Variants in ACR observed in about 807,000 individuals in gnomAD.
ACR encodes acrosin, also known as acrosin light and heavy chain prepropeptide.
ACR carries 17 observed loss-of-function variants against 26.0 expected under a neutral mutation model. The observed-to-expected ratio is 0.65, with a 90% confidence interval of 0.45 to 0.98. ACR has a LOEUF of 0.98. Among genes scored for constraint, ACR ranks in the 50% least tolerant of loss-of-function variants. The pLI, the probability that ACR is intolerant of heterozygous loss-of-function variation, is 0.00. For synonymous variants in ACR, 199 were observed against 207.7 expected (o/e 0.96, Z 0.36); for missense variants, 435 against 519.3 (o/e 0.84, Z 1.58).
chr22:50,742,437 G>A (rs1396810090), intron 3 of ACR, among the ~76,000 whole-genome samples: 13 of 151,698 alleles, frequency 8.6e-5, no homozygotes, highest in African/African-American at 2.7e-4. Context: ...CCAGCTACTC[G>A]GGAGGCTGAG....
In ACR at chr22:50,739,169, C is replaced by A; in HGVS notation, c.78-102C>A. ...TTTCCCAGAACCCGGAAGCTCTTCC[C>A]CACTTTTCCCAACCCCATGTCCCTG... On this transcript the variant is annotated intron_variant, in intron 1 of 4. Coordinates refer to ENST00000216139, the MANE Select transcript of ACR (RefSeq NM_001097.3). The surrounding 1 kb of genome is among the most constrained non-coding windows in gnomAD (Gnocchi z 5.5). 9.1e-7 allele frequency: 1 copy of A among 1,099,164 alleles called. No homozygotes were observed. The allele number at this position is 1,099,164 out of a possible 1,614,324, so 68.1% of individuals were successfully genotyped here.
chr22:50,740,423 T>G lies in ACR; in HGVS notation c.565+446T>G, dbSNP rs2083420224. The G allele has an allele frequency of 5.0e-6, 3 of 604,886 alleles. No individual in the cohort carries two copies. In the Admixed American group the frequency reaches 8.4e-5, roughly 17 times the overall value. The allele number at this position is 604,886 out of a possible 1,614,324, so 37.5% of individuals were successfully genotyped here. Reference sequence around the variant, plus strand: ...TCAGATGGTCTCCAAGCTGACCATTTCCTAACACCTGTGATTCCAGGGCCC... The same window carrying G: ...TCAGATGGTCTCCAAGCTGACCATTGCCTAACACCTGTGATTCCAGGGCCC... On this transcript the variant is annotated intron_variant, in intron 3 of 4. Transcript: ENST00000216139.
intron 1 of ACR, 32 bp downstream of exon 1, chr22:50,738,344 A>ATCT (rs754950350): frequency 6.2e-7 from 1 of 1,607,668 alleles, no homozygotes; most frequent in South Asian, 1.1e-5. Context: ...TGGGGGAAGG[A>ATCT]TCTTCTGAGG....
In ACR at chr22:50,739,976, A is replaced by G. The variant is rs1267041895; in HGVS notation, c.564A>G (p.Lys188=). The change falls in exon 3 of 5, where the codon AAA becomes AAG. Residue 188 remains lysine (K), a splice_region_variant and synonymous_variant. Coordinates refer to ENST00000216139, the MANE Select transcript of ACR (RefSeq NM_001097.3). The surrounding 1 kb of genome is among the most constrained non-coding windows in gnomAD (Gnocchi z 5.5). ...CCGGCTGGGGATATATAGAAGAGAA[A>G]GGTGAGTATGGGAGCGCCTCCAAGG... ...WVAGWGYIEE[K]APRPSSILME... is the part of the protein sequence containing the mutation. 2 of 1,613,402 alleles carry G rather than the reference A, an allele frequency of 1.2e-6. No individual in the cohort carries two copies. The highest frequency in any genetic ancestry group is 1.7e-6 in the Non-Finnish European group (2 of 1,179,982).
chr22:50,741,296 T>C (rs2083423798), intron 3 of ACR, among the ~76,000 whole-genome samples: 1 of 152,188 alleles, frequency 6.6e-6, no homozygotes, highest in Non-Finnish European at 1.5e-5. Context: ...TTGTTCTCAC[T>C]GGCCTCACTT....
Position 50,739,288 on chromosome 22 carries a change from G to A in ACR, c.95G>A (p.Arg32Gln), listed in dbSNP as rs1334636659. The A allele has an allele frequency of 3.8e-6, 6 of 1,582,496 alleles. No individual in the cohort carries two copies. Among genetic ancestry groups the A allele is most frequent in the East Asian group, 2.3e-5 (1 of 43,266 alleles). The change falls in exon 2 of 5, where the codon CGG becomes CAG. Residue 32 changes from arginine (R) to glutamine (Q), a missense_variant. By Grantham distance (43) the Arg-to-Gln change is conservative. Around this residue, in one of 3 missense-constraint regions of ACR, gnomAD observed 314 missense variants for 372.0 expected, o/e 0.84. Coordinates refer to ENST00000216139, the MANE Select transcript of ACR (RefSeq NM_001097.3). This position sits in a 1 kb window ranked among gnomAD's most constrained non-coding sequence, Gnocchi z 5.5. ...CTCCCCAGTGGCCCCTGTGGGTTAC[G>A]GTTCAGGCAAAACCCACAGGGTGGT... ...NATCDGPCGL[R>Q]FRQNPQGGVR...
Position 50,739,762 on chromosome 22 carries a change from AGGCG to A in ACR, c.351_354del (p.Lys117AsnfsTer68). The A allele has an allele frequency of 6.3e-7, 1 of 1,581,554 alleles. No homozygotes were observed. The highest frequency in any genetic ancestry group is 8.6e-7 in the Non-Finnish European group (1 of 1,166,834). On this transcript the variant is annotated frameshift_variant, in exon 3 of 5. Transcript: ENST00000216139. LOFTEE classifies it high-confidence loss of function. This position sits in a 1 kb window ranked among gnomAD's most constrained non-coding sequence, Gnocchi z 5.5. ...ACATATGGGAACAATAAACCAGTAA[AGGCG>A]CCTCTGCAAGAGAGATATGTGGAGA... is the stretch of plus-strand genomic sequence containing the variant.
chr22:50,739,609 C>A lies in ACR; in HGVS notation c.282-85C>A. ...GCAAGACTCCGGGGGCTGGTCCAGA[C>A]CTTTGCTAGGGGAAGGCCCTGAGGG... On this transcript the variant is annotated intron_variant, in intron 2 of 4. Transcript: ENST00000216139. This position sits in a 1 kb window ranked among gnomAD's most constrained non-coding sequence, Gnocchi z 5.5. The A allele has an allele frequency of 1.3e-6, 2 of 1,551,744 alleles. No individual in the cohort carries two copies. Among genetic ancestry groups the A allele is most frequent in the South Asian group, 1.2e-5 (1 of 81,444 alleles).
chr22:50,738,983 C>A (rs1298752070), intron 1 of ACR, among the ~76,000 whole-genome samples: 11 of 152,216 alleles, frequency 7.2e-5, no homozygotes, highest in South Asian at 2.1e-4. Context: ...TCCTGTTCTG[C>A]CCAGGGACGG....
intron 3 of ACR, among the ~76,000 whole-genome samples, chr22:50,743,242 A>G (rs1047280820): frequency 9.2e-5 from 14 of 152,002 alleles, no homozygotes; most frequent in African/African-American, 1.9e-4. Context: ...TCACCGTGTT[A>G]GCCAGGATGG....
Position 50,739,553 on chromosome 22 carries a change from G to T in ACR, c.281+79G>T, listed in dbSNP as rs1019489427. 2 of 1,589,356 alleles carry T rather than the reference G, an allele frequency of 1.3e-6. No homozygotes were observed. Among genetic ancestry groups the T allele is most frequent in the Non-Finnish European group, 1.7e-6 (2 of 1,162,592 alleles). Reference sequence around the variant, plus strand: ...GGGCGTTCCCCGGGGATGCTGTGCAGCGTCTCCCTGGGGCTCTGGGCCAAG... The same window carrying T: ...GGGCGTTCCCCGGGGATGCTGTGCATCGTCTCCCTGGGGCTCTGGGCCAAG... On this transcript the variant is annotated intron_variant, in intron 2 of 4. Transcript: ENST00000216139. The surrounding 1 kb of genome is among the most constrained non-coding windows in gnomAD (Gnocchi z 5.5).
chr22:50,744,160 C>A lies in ACR; in HGVS notation c.665C>A (p.Thr222Asn). Residue 222 changes from threonine (T) to asparagine (N), a missense_variant, in exon 4 of 5, where the codon ACC (threonine) becomes AAC (asparagine). Coordinates refer to ENST00000216139, the MANE Select transcript of ACR (RefSeq NM_001097.3). ...TGGTACAATGGGCGCGTTCAGCCAA[C>A]CAATGTGTGCGCGGGGTATCCTGTA... ...TQWYNGRVQP[T>N]NVCAGYPVGK... 6.2e-7 allele frequency: 1 copy of A among 1,613,896 alleles called. No individual in the cohort carries two copies.
Position 50,738,820 on chromosome 22 carries a change from A to G in ACR, c.78-451A>G, listed in dbSNP as rs367645902. Among the ~76,000 whole-genome samples, 173 of 152,072 alleles carry G rather than the reference A, an allele frequency of 1.1e-3. 1 individual carries two copies. In the Middle Eastern group the frequency reaches 0.02, roughly 18 times the overall value. On this transcript the variant is annotated intron_variant, in intron 1 of 4. Coordinates refer to ENST00000216139, the MANE Select transcript of ACR (RefSeq NM_001097.3). Reference sequence around the variant, plus strand: ...TGTGCCCCCTACACCTGTGGGCCACAGTATCTGCCCCTGGCTGCTATCCCT... The same window carrying G: ...TGTGCCCCCTACACCTGTGGGCCACGGTATCTGCCCCTGGCTGCTATCCCT...
At chr22:50,744,255 C>T in intron 4 of ACR, 49 bp downstream of exon 4, 4 of 1,500,816 alleles carry the variant, frequency 2.7e-6, no homozygotes, top group Non-Finnish European at 3.7e-6. Context: ...CAGGACTCTC[C>T]CGGCCCCTGA....
At chr22:50,740,356 C>T in intron 3 of ACR, 1 of 580,286 alleles carries the variant, frequency 1.7e-6, no homozygotes, top group Non-Finnish European at 3.1e-6. Context: ...GCCTTCCACT[C>T]TCTGGGCCTT....
chr22:50,739,929 G>A lies in ACR; in HGVS notation c.517G>A (p.Gly173Ser), dbSNP rs867063389. The A allele has an allele frequency of 6.2e-7, 1 of 1,613,846 alleles. No individual in the cohort carries two copies. The highest frequency in any genetic ancestry group is 1.3e-5 in the African/African-American group (1 of 74,914). Residue 173 changes from glycine to serine, a missense_variant, in exon 3 of 5, where the codon GGC becomes AGC. Physicochemically the swap from Gly to Ser is moderately conservative, Grantham distance 56. Around this residue, in one of 3 missense-constraint regions of ACR, gnomAD observed 314 missense variants for 372.0 expected, o/e 0.84. Transcript: ENST00000216139. The surrounding 1 kb of genome is among the most constrained non-coding windows in gnomAD (Gnocchi z 5.5). Reference protein sequence around the residue: ...LPHFKAGLPRGSQSCWVAGWG... With the variant: ...LPHFKAGLPRSSQSCWVAGWG... ...CCACTTTAAGGCAGGCCTCCCCAGA[G>A]GCTCCCAGAGCTGCTGGGTGGCCGG...
chr22:50,744,157 C>T lies in ACR; in HGVS notation c.662C>T (p.Pro221Leu), dbSNP rs1465249561. The change falls in exon 4 of 5, where the codon CCA becomes CTA. Residue 221 changes from proline to leucine, a missense_variant. Pro to Leu is a moderately conservative substitution (Grantham distance 98, BLOSUM62 -3). This residue lies in a region of ACR where 314 missense variants were observed against 372.0 expected (regional missense o/e 0.84). Coordinates refer to ENST00000216139, the MANE Select transcript of ACR (RefSeq NM_001097.3). Reference sequence around the variant, plus strand: ...CAGTGGTACAATGGGCGCGTTCAGCCAACCAATGTGTGCGCGGGGTATCCT... The same window carrying T: ...CAGTGGTACAATGGGCGCGTTCAGCTAACCAATGTGTGCGCGGGGTATCCT... ...STQWYNGRVQ[P>L]TNVCAGYPVG... 6.2e-7 allele frequency: 1 copy of T among 1,613,886 alleles called. No individual in the cohort carries two copies. The highest frequency in any genetic ancestry group is 1.7e-5 in the Admixed American group (1 of 60,000).
Position 50,744,842 on chromosome 22 carries a change from A to T in ACR, c.901A>T (p.Thr301Ser), listed in dbSNP as rs1555912241. The T allele has an allele frequency of 1.3e-6, 2 of 1,590,298 alleles. No individual in the cohort carries two copies. The highest frequency in any genetic ancestry group is 1.4e-5 in the African/African-American group (1 of 71,588). ...SNALRMIQSA[T>S]PPPPTTRPPP... ...CGCTTTGCGTATGATTCAATCGGCC[A>T]CCCCTCCACCTCCCACCACTCGACC... The change falls in exon 5 of 5, where the codon ACC becomes TCC. Residue 301 changes from threonine to serine, a missense_variant. By Grantham distance (58) the Thr-to-Ser change is moderately conservative. This residue lies in a region of ACR where 29 missense variants were observed against 59.4 expected (regional missense o/e 0.49). Coordinates refer to ENST00000216139, the MANE Select transcript of ACR (RefSeq NM_001097.3).
rs529931307 is a variant in ACR, at chr22:50,739,044, T to C, written c.78-227T>C. On this transcript the variant is annotated intron_variant, in intron 1 of 4. Coordinates refer to ENST00000216139, the MANE Select transcript of ACR (RefSeq NM_001097.3). The surrounding 1 kb of genome is among the most constrained non-coding windows in gnomAD (Gnocchi z 5.5). ...TGTCCTGGCTTCCTATGGCCTCCTC[T>C]TTCTCCATCTGTGACTGCACCCACA... Among the ~76,000 whole-genome samples the C allele has an allele frequency of 6.6e-6, 1 of 152,186 alleles. No homozygotes were observed. Among genetic ancestry groups the C allele is most frequent in the Non-Finnish European group, 1.5e-5 (1 of 68,028 alleles).
Sources: gnomAD v4.1 joint callset for allele counts (sites outside exome capture counted in the v4.1 genomes callset) on GRCh38, gnomAD v4.1.1 for gene constraint, gnomAD v4.1.1 regional missense constraint, Gnocchi (gnomAD v3.1) non-coding constraint, MANE v1.5 for transcripts, NCBI Gene and HGNC (gene_info 2026-07-23, HGNC 2026-07-21) for gene names.